GAS2: variants seen among roughly 807,000 people sequenced by gnomAD.
The protein encoded by GAS2 is growth arrest-specific protein 2.
In GAS2, 20 loss-of-function variants were observed where a neutral mutation model predicts 37.5. That is an observed-to-expected ratio of 0.53 (90% CI 0.37 to 0.77). The LOEUF (loss-of-function observed/expected upper bound fraction) is 0.77, where lower values mean the gene tolerates loss of function less well. Ranked by LOEUF, GAS2 falls within the 30% of genes least tolerant of loss-of-function variation. The pLI, the probability that GAS2 is intolerant of heterozygous loss-of-function variation, is 0.00. For missense variants in GAS2, 336 were observed against 373.4 expected, an observed-to-expected ratio of 0.90 and a Z score of 0.82; for synonymous variants, 144 against 132.2, an observed-to-expected ratio of 1.09 and a Z score of -0.61.
At chr11:22,748,864 G>A (rs79573255) in intron 5 of GAS2, among the ~76,000 whole-genome samples, 1,881 of 152,088 alleles carry the variant, frequency 0.012, 36 homozygotes, top group African/African-American at 0.042. Flanking sequence ...ATATTGCATT[G>A]AGTGTTTTTA....
intron 3 of GAS2, among the ~76,000 whole-genome samples, chr11:22,719,521 CTTAGTG>C (rs138096271): frequency 0.019 from 2,886 of 152,188 alleles, 97 homozygotes; most frequent in African/African-American, 0.066. Context: ...AGGGTTCACT[CTTAGTG>C]TTAAACAGTC....
At chr11:22,670,095 G>T (rs1234901428) in intron 1 of GAS2, among the ~76,000 whole-genome samples, 5 of 152,140 alleles carry the variant, frequency 3.3e-5, no homozygotes, top group African/African-American at 1.2e-4. Flanking sequence ...AAGGGTATTC[G>T]ATTTGGAGCA....
intron 1 of GAS2, among the ~76,000 whole-genome samples, chr11:22,645,366 G>T (rs935071430): frequency 6.6e-6 from 1 of 152,046 alleles, no homozygotes; most frequent in African/African-American, 2.4e-5. Context: ...AAATTAGCCA[G>T]GTGTGGTAGC....
At chr11:22,643,224 G>C (rs958485075) in intron 1 of GAS2, among the ~76,000 whole-genome samples, 1 of 152,034 alleles carries the variant, frequency 6.6e-6, no homozygotes, top group African/African-American at 2.4e-5. Flanking sequence ...ATTCATGAGA[G>C]ATGAGTTATT....
chr11:22,775,572 A>G (rs1855216191), intron 7 of GAS2, among the ~76,000 whole-genome samples: 1 of 152,196 alleles, frequency 6.6e-6, no homozygotes, highest in Admixed American at 6.5e-5. Context: ...AATTTTATGT[A>G]GAATAAAATT....
chr11:22,794,013 C>T (rs1243202117), intron 7 of GAS2, among the ~76,000 whole-genome samples: 1 of 151,786 alleles, frequency 6.6e-6, no homozygotes, highest in East Asian at 1.9e-4. Flanking sequence ...ACTTTTGTAA[C>T]GATTTCAGAT....
At chr11:22,630,701 C>G (rs34272558) in intron 1 of GAS2, among the ~76,000 whole-genome samples, 24,943 of 152,170 alleles carry the variant, frequency 0.16, 2,415 homozygotes, top group East Asian at 0.3. Flanking sequence ...CTATTCTCTT[C>G]CATTGGTCTA....
upstream of GAS2, among the ~76,000 whole-genome samples, chr11:22,663,532 C>T (rs1433383857): frequency 2.0e-5 from 3 of 151,972 alleles, no homozygotes; most frequent in East Asian, 3.8e-4. Flanking sequence ...ATACCTAACA[C>T]AATTTGCCAG....
At chr11:22,660,754 A>G (rs1848907113) in intron 1 of GAS2, among the ~76,000 whole-genome samples, 1 of 152,158 alleles carries the variant, frequency 6.6e-6, no homozygotes, top group Non-Finnish European at 1.5e-5. Flanking sequence ...GACTCTAGAG[A>G]CTAAGTGACT....
chr11:22,732,770 TATCATC>T (rs35919121), intron 4 of GAS2, among the ~76,000 whole-genome samples: 165 of 145,934 alleles, frequency 1.1e-3, no homozygotes, highest in East Asian at 2.8e-3. Flanking sequence ...CCCCTCCATT[TATCATC>T]ATCATCATCA....
chr11:22,638,782 C>A (rs1321780731), intron 1 of GAS2, among the ~76,000 whole-genome samples: 11 of 152,108 alleles, frequency 7.2e-5, no homozygotes, highest in African/African-American at 2.7e-4. Flanking sequence ...TTACAGCTCT[C>A]TGCTTGATGA....
upstream of GAS2, among the ~76,000 whole-genome samples, chr11:22,663,071 C>T (rs1848932593): frequency 6.6e-6 from 1 of 151,948 alleles, no homozygotes; most frequent in African/African-American, 2.4e-5. Flanking sequence ...AAAGGGGCAG[C>T]ACGGCATGTC....
intron 7 of GAS2, among the ~76,000 whole-genome samples, chr11:22,776,976 G>A (rs1855292324): frequency 6.6e-6 from 1 of 152,148 alleles, no homozygotes; most frequent in Admixed American, 6.5e-5. Flanking sequence ...ACCATTTTAT[G>A]AGGATCAGGA....
Position 22,770,236 on chromosome 11 carries a change from G to A in GAS2, c.723+14283G>A, listed in dbSNP as rs149060552. On this transcript the variant is annotated intron_variant, in intron 7 of 7. Transcript: ENST00000454584. ...CCTAGGTGACAGCTTGATAGGTGCAGCAAAATACCATGGCACACGTATACC... is the reference window on the plus strand; with the variant it reads ...CCTAGGTGACAGCTTGATAGGTGCAACAAAATACCATGGCACACGTATACC... Among the ~76,000 whole-genome samples, 443 of 152,184 alleles carry A rather than the reference G, an allele frequency of 2.9e-3. 2 individuals carry two copies. Among genetic ancestry groups the A allele is most frequent in the African/African-American group, 0.01 (416 of 41,502 alleles).
intron 7 of GAS2, among the ~76,000 whole-genome samples, chr11:22,774,157 C>A (rs1259519453): frequency 6.6e-6 from 1 of 152,100 alleles, no homozygotes; most frequent in African/African-American, 2.4e-5. Flanking sequence ...CCACACCCGG[C>A]TAATTTTTGT....
intron 3 of GAS2, among the ~76,000 whole-genome samples, chr11:22,700,325 T>A (rs1850765953): frequency 6.6e-6 from 1 of 152,186 alleles, no homozygotes; most frequent in South Asian, 2.1e-4. Flanking sequence ...CCATCTTTGC[T>A]TTTTAATCCT....
Position 22,726,408 on chromosome 11 carries a change from G to A in GAS2, c.384G>A (p.Thr128=), listed in dbSNP as rs761614047. 1.6e-5 allele frequency: 25 copies of A among 1,611,810 alleles called. No individual in the cohort carries two copies. In the East Asian group the frequency reaches 4.2e-4, roughly 27 times the overall value. ...GCCGAGATTTAGGGGTGGATGAAAC[G>A]TGTCTATTTGAATCGGAAGGTTTGG... ...SWCRDLGVDE[T]CLFESEGLVL... is the part of the protein sequence containing the mutation. The change falls in exon 4 of 8, where the codon ACG becomes ACA. Residue 128 remains threonine, a synonymous_variant. Transcript: ENST00000454584.
intron 1 of GAS2, among the ~76,000 whole-genome samples, chr11:22,648,343 G>C (rs1459288322): frequency 3.9e-5 from 6 of 152,200 alleles, no homozygotes; most frequent in Non-Finnish European, 5.9e-5. Flanking sequence ...AGTATAGTTT[G>C]AAGTCAGGTA....
intron 7 of GAS2, among the ~76,000 whole-genome samples, chr11:22,757,320 G>T (rs1222817106): frequency 6.6e-6 from 1 of 151,962 alleles, no homozygotes; most frequent in Admixed American, 6.6e-5. Flanking sequence ...TATAAGGCAG[G>T]TTTTTTGATA....
Sources: allele counts gnomAD v4.1 joint callset (sites outside exome capture counted in the v4.1 genomes callset), GRCh38; gene constraint gnomAD v4.1.1; transcripts MANE v1.5; gene names NCBI Gene and HGNC (gene_info 2026-07-23, HGNC 2026-07-21).